The following LHFPL3 variants were observed in gnomAD, a reference collection of about 807,000 sequenced individuals.
The protein encoded by LHFPL3 is LHFPL tetraspan subfamily member 3 protein.
A neutral mutation model predicts 19.3 loss-of-function variants in LHFPL3; 5 were observed. The observed-to-expected ratio is 0.26, with a 90% CI of 0.14 to 0.54. The LOEUF is 0.54. LHFPL3 is among the 20% of genes least tolerant of loss of function. The pLI is 0.94. For missense variants in LHFPL3, 249 were observed against 307.4 expected (o/e 0.81, Z 1.42); for synonymous variants, 133 against 126.2 (o/e 1.05, Z -0.36).
chr7:104,573,376 C>T (rs906621865), intron 1 of LHFPL3, among the ~76,000 whole-genome samples: 1 of 148,786 alleles, frequency 6.7e-6, no homozygotes. Flanking sequence ...CACACCACTG[C>T]ACTCCAGCCT....
At chr7:104,801,021 G>A (rs969959767) in intron 2 of LHFPL3, among the ~76,000 whole-genome samples, 5 of 152,200 alleles carry the variant, frequency 3.3e-5, no homozygotes, top group African/African-American at 1.2e-4. Flanking sequence ...ATGGGACTAA[G>A]AATATGTTTC....
chr7:104,518,850 A>AAATAGATAGATAGAAAG lies in LHFPL3; in HGVS notation c.445+189630_445+189631insGATAGATAGAAAGAATA, dbSNP rs1562923378. 4.9e-3 allele frequency among the ~76,000 whole-genome samples: 681 copies of AAATAGATAGATAGAAAG among 140,082 alleles called. 10 individuals carry two copies. The highest frequency in any genetic ancestry group is 0.017 in the African/African-American group (634 of 37,894). The allele number at this position is 140,082 out of a possible 152,430, so 91.9% of individuals were successfully genotyped here. A position where few individuals can be genotyped will look rare whatever the true frequency, so the allele number is the denominator to read the frequency against. ...AGATAGATAGATAGATAGATAGAAT[A>AAATAGATAGATAGAAAG]AATAAAAAAACTGTGATGCAAGAGC... is the stretch of plus-strand genomic sequence containing the variant. On this transcript the variant is annotated intron_variant, in intron 1 of 2. Coordinates refer to ENST00000424859, the MANE Select transcript of LHFPL3 (RefSeq NM_199000.3).
intron 1 of LHFPL3, among the ~76,000 whole-genome samples, chr7:104,396,035 A>T (rs973412059): frequency 1.3e-5 from 2 of 152,178 alleles, no homozygotes; most frequent in African/African-American, 4.8e-5. Flanking sequence ...GCTTTGGAAG[A>T]TCACCCAGAC....
intron 1 of LHFPL3, among the ~76,000 whole-genome samples, chr7:104,522,972 CTG>C (rs10541183): frequency 0.42 from 63,343 of 150,436 alleles, 13,347 homozygotes; most frequent in Middle Eastern, 0.49. Context: ...CTATATATAT[CTG>C]TGTGTGTGTG....
chr7:104,666,553 G>T (rs1184894611), intron 1 of LHFPL3, among the ~76,000 whole-genome samples: 1 of 63,250 alleles, frequency 1.6e-5, no homozygotes, highest in Non-Finnish European at 3.3e-5. Flanking sequence ...ACGGAGTCTC[G>T]CTCTGTCGCC....
chr7:104,328,756 AG>A lies in LHFPL3; in HGVS notation c.-22del. 1 of 1,529,610 alleles carries A rather than the reference AG, an allele frequency of 6.5e-7. No homozygotes were observed. 94.8% of individuals were successfully genotyped at this position (1,529,610 alleles called of 1,614,324 possible). ...GGGGAGGCGGAGGACCAGGAGGAGG[AG>A]GAGGAGGAGGAGGAGGGGGAGAATG... On this transcript the variant is annotated 5_prime_UTR_variant, in exon 1 of 3. Coordinates refer to ENST00000424859, the MANE Select transcript of LHFPL3 (RefSeq NM_199000.3). The surrounding 1 kb of genome is among the most constrained non-coding windows in gnomAD (Gnocchi z 4.6).
intron 2 of LHFPL3, among the ~76,000 whole-genome samples, chr7:104,755,225 C>T (rs1383764716): frequency 6.6e-6 from 1 of 152,126 alleles, no homozygotes; most frequent in Non-Finnish European, 1.5e-5. Flanking sequence ...TCAAGCCCAG[C>T]AGCACAAGGA....
intron 1 of LHFPL3, among the ~76,000 whole-genome samples, chr7:104,555,894 G>A (rs1391228673): frequency 6.6e-6 from 1 of 152,156 alleles, no homozygotes; most frequent in African/African-American, 2.4e-5. Context: ...TTCCAAATGG[G>A]AGAAATTGAC....
chr7:104,407,502 C>A (rs1206915379), intron 1 of LHFPL3, among the ~76,000 whole-genome samples: 1 of 152,032 alleles, frequency 6.6e-6, no homozygotes. Context: ...ACTAAAAATA[C>A]AAAATTAGCC....
chr7:104,660,294 C>T (rs1792202061), intron 1 of LHFPL3, among the ~76,000 whole-genome samples: 1 of 152,252 alleles, frequency 6.6e-6, no homozygotes, highest in Admixed American at 6.5e-5. Flanking sequence ...AGCCACCACG[C>T]CCAGTCAACT....
chr7:104,474,110 A>G (rs1401992714), intron 1 of LHFPL3, among the ~76,000 whole-genome samples: 1 of 152,218 alleles, frequency 6.6e-6, no homozygotes, highest in East Asian at 1.9e-4. Flanking sequence ...GTGGAGAGTT[A>G]TATAAAATGA....
chr7:104,452,616 G>A (rs576465026), intron 1 of LHFPL3, among the ~76,000 whole-genome samples: 62 of 152,180 alleles, frequency 4.1e-4, no homozygotes, highest in African/African-American at 1.4e-3. Flanking sequence ...CTTTTCATAT[G>A]TTAATTAAGC....
intron 1 of LHFPL3, among the ~76,000 whole-genome samples, chr7:104,658,037 A>G (rs1792151687): frequency 6.6e-6 from 1 of 152,234 alleles, no homozygotes; most frequent in Non-Finnish European, 1.5e-5. Context: ...CCATTACATT[A>G]AATCATAAAG....
At chr7:104,812,662 G>A (rs1562800896) in intron 2 of LHFPL3, among the ~76,000 whole-genome samples, 2 of 151,464 alleles carry the variant, frequency 1.3e-5, no homozygotes, top group African/African-American at 4.9e-5. Flanking sequence ...AAATTAGCCA[G>A]GCGAGGTGTC....
chr7:104,389,842 C>G (rs1365477087), intron 1 of LHFPL3, among the ~76,000 whole-genome samples: 1 of 152,088 alleles, frequency 6.6e-6, no homozygotes, highest in Non-Finnish European at 1.5e-5. Flanking sequence ...GGCCACCTAC[C>G]TCATACCATA....
intron 1 of LHFPL3, among the ~76,000 whole-genome samples, chr7:104,374,236 G>GTGTGTA (rs1191512296): frequency 6.6e-6 from 1 of 151,526 alleles, no homozygotes. Flanking sequence ...GTGTGTGTGT[G>GTGTGTA]TGTGTATACA....
chr7:104,411,897 T>G (rs1484992768), intron 1 of LHFPL3, among the ~76,000 whole-genome samples: 1 of 152,208 alleles, frequency 6.6e-6, no homozygotes, highest in Admixed American at 6.5e-5. Context: ...GTAGCAATAT[T>G]TTAAAATGTT....
chr7:104,668,726 C>A (rs1038035301), intron 1 of LHFPL3: 44 of 1,584,634 alleles, frequency 2.8e-5, no homozygotes, highest in Middle Eastern at 3.9e-4. Flanking sequence ...GTCCCCCCCC[C>A]CCCAAAGACC....
chr7:104,472,961 A>G (rs1398228205), intron 1 of LHFPL3, among the ~76,000 whole-genome samples: 1 of 152,200 alleles, frequency 6.6e-6, no homozygotes, highest in African/African-American at 2.4e-5. Context: ...AACATCTTTC[A>G]CTGGACCCTC....
Sources: allele counts gnomAD v4.1 joint callset (sites outside exome capture counted in the v4.1 genomes callset), GRCh38; gene constraint gnomAD v4.1.1; non-coding constraint Gnocchi (gnomAD v3.1); transcripts MANE v1.5; gene names NCBI Gene and HGNC (gene_info 2026-07-23, HGNC 2026-07-21).